Variants in DOCK5 observed in about 807,000 individuals in gnomAD.
DOCK5 encodes dedicator of cytokinesis protein 5.
A neutral mutation model predicts 251.8 loss-of-function variants in DOCK5; 142 were observed. That is an observed-to-expected ratio of 0.56 (90% confidence interval 0.49 to 0.65). The LOEUF (loss-of-function observed/expected upper bound fraction) is 0.65. Among genes scored for constraint, DOCK5 ranks in the 30% least tolerant of loss-of-function variants. DOCK5 has a pLI of 0.00. For synonymous variants in DOCK5, 842 were observed against 835.5 expected, an observed-to-expected ratio of 1.01 and a Z score of -0.13; for missense variants, 2,111 against 2,312.3, an observed-to-expected ratio of 0.91 and a Z score of 1.79.
intron 48 of DOCK5, among the ~76,000 whole-genome samples, chr8:25,407,328 C>T (rs1801539739): frequency 6.6e-6 from 1 of 152,012 alleles, no homozygotes; most frequent in African/African-American, 2.4e-5. Context: ...GATTTGAACA[C>T]AGGCTATCTG....
At position 25,193,074 on chromosome 8, in the gene DOCK5, A is replaced by G. The variant is rs142393297; in HGVS notation, c.43+8123A>G. Among the ~76,000 whole-genome samples, 263 of 152,318 alleles carry G rather than the reference A, an allele frequency of 1.7e-3. 1 individual carries two copies. Among genetic ancestry groups the G allele is most frequent in the African/African-American group, 5.9e-3 (247 of 41,558 alleles). ...GATACCCAATGGAATCTTTCTCTTC[A>G]GTATAGTGTCCATTCTCATTATTCA... On this transcript the variant is annotated intron_variant, in intron 1 of 51. Transcript: ENST00000276440.
intron 29 of DOCK5, among the ~76,000 whole-genome samples, chr8:25,363,746 G>T (rs963865573): frequency 3.0e-4 from 46 of 152,148 alleles, no homozygotes; most frequent in African/African-American, 1.1e-3. Flanking sequence ...CAACCAAACT[G>T]GCCTCTGCCC....
At chr8:25,341,580 C>T (rs921474823) in intron 23 of DOCK5, among the ~76,000 whole-genome samples, 159 bp from the exon 24 acceptor site, 9 of 152,146 alleles carry the variant, frequency 5.9e-5, no homozygotes, top group African/African-American at 1.9e-4. Flanking sequence ...TTTAGGAGAT[C>T]GTGTAGAGCA....
At chr8:25,207,930 A>T (rs2095517085) in intron 1 of DOCK5, among the ~76,000 whole-genome samples, 1 of 152,344 alleles carries the variant, frequency 6.6e-6, no homozygotes, top group Admixed American at 6.5e-5. Flanking sequence ...TCTGGAAAGG[A>T]TTCCCCATTC....
intron 5 of DOCK5, among the ~76,000 whole-genome samples, chr8:25,281,080 C>G (rs1315924539): frequency 6.7e-6 from 1 of 150,208 alleles, no homozygotes; most frequent in Non-Finnish European, 1.5e-5. Flanking sequence ...CCTATGTCTT[C>G]TACACATCCA....
chr8:25,204,169 A>T (rs1801943934), intron 1 of DOCK5, among the ~76,000 whole-genome samples: 1 of 152,226 alleles, frequency 6.6e-6, no homozygotes. Context: ...TGGATGAATT[A>T]TAGACTTCAT....
At chr8:25,365,472 A>G (rs1015076280) in intron 30 of DOCK5, among the ~76,000 whole-genome samples, 3 of 152,264 alleles carry the variant, frequency 2.0e-5, no homozygotes, top group African/African-American at 7.2e-5. Context: ...AAGCAATAAA[A>G]GCCAGATTTA....
intron 5 of DOCK5, among the ~76,000 whole-genome samples, chr8:25,283,009 A>G (rs2117136888): frequency 6.6e-6 from 1 of 152,286 alleles, no homozygotes; most frequent in Non-Finnish European, 1.5e-5. Context: ...AATGCAGTCC[A>G]CTAACCAGAT....
intron 2 of DOCK5, among the ~76,000 whole-genome samples, chr8:25,250,555 C>T (rs1019473609): frequency 6.6e-6 from 1 of 152,142 alleles, no homozygotes. Flanking sequence ...TGGAGATGCC[C>T]GGCCGTGAGG....
chr8:25,395,351 C>G (rs1230332760), intron 44 of DOCK5, among the ~76,000 whole-genome samples, 192 bp from the exon 45 acceptor site: 1 of 152,184 alleles, frequency 6.6e-6, no homozygotes, highest in Non-Finnish European at 1.5e-5. Flanking sequence ...GGCCTGTTTC[C>G]TAATAGGCCA....
intron 13 of DOCK5, among the ~76,000 whole-genome samples, chr8:25,313,663 C>T (rs1805159125): frequency 6.6e-6 from 1 of 152,184 alleles, no homozygotes; most frequent in Non-Finnish European, 1.5e-5. Flanking sequence ...AAATTCAACA[C>T]CAAGGTGACA....
At chr8:25,278,702 C>T in intron 5 of DOCK5, 37 bp downstream of exon 5, 10 of 1,594,094 alleles carry the variant, frequency 6.3e-6, no homozygotes, top group Non-Finnish European at 8.6e-6. Context: ...CCCAGGGTCA[C>T]TCTGGGTCCT....
In DOCK5 at chr8:25,324,893, G is replaced by A. The variant is rs546264416; in HGVS notation, c.1720-471G>A. On this transcript the variant is annotated intron_variant, in intron 17 of 51. Transcript: ENST00000276440. ...TTCCCACCTATGAGTGAGAACATGC[G>A]GTGTTTGGTTTTTTGTCCTTGTGAT... Among the ~76,000 whole-genome samples, 12 of 148,840 alleles carry A rather than the reference G, an allele frequency of 8.1e-5. No individual in the cohort carries two copies. In the South Asian group the frequency reaches 8.5e-4, roughly 11 times the overall value.
chr8:25,273,253 G>A (rs1478074849), intron 3 of DOCK5, among the ~76,000 whole-genome samples: 1 of 152,118 alleles, frequency 6.6e-6, no homozygotes, highest in Non-Finnish European at 1.5e-5. Context: ...TTTACTCAGT[G>A]CCTGCTGCAT....
chr8:25,369,599 G>C lies in DOCK5; in HGVS notation c.3482G>C (p.Gly1161Ala), dbSNP rs1281465243. The C allele has an allele frequency of 1.2e-6, 2 of 1,611,994 alleles. No homozygotes were observed. The highest frequency in any genetic ancestry group is 1.3e-5 in the African/African-American group (1 of 75,010). Residue 1161 changes from glycine to alanine, a missense_variant, in exon 34 of 52, where the codon GGG becomes GCG. Around this residue, in one of 3 missense-constraint regions of DOCK5, gnomAD observed 1,717 missense variants for 1,892.4 expected, o/e 0.91. Transcript: ENST00000276440. ...ACAAAGCTGGACCAGGAGGTAGAAG[G>C]GGGCAGAGGAGACGAACAATACAAG... ...LITKLDQEVEGGRGDEQYKVL... is the reference protein window; with the variant it reads ...LITKLDQEVEAGRGDEQYKVL...
At chr8:25,239,319 ATGTGTGTGTGTGTGTGTGTGTATG>A (rs1435411600) in intron 1 of DOCK5, among the ~76,000 whole-genome samples, 48 of 131,056 alleles carry the variant, frequency 3.7e-4, no homozygotes, top group African/African-American at 1.4e-3. Flanking sequence ...GTGCGTGTAT[ATGTGTGTGTGTGTGTGTGTGTATG>A]TGTGTGTGTG....
chr8:25,291,494 C>A (rs938691867), intron 5 of DOCK5, among the ~76,000 whole-genome samples: 3 of 150,330 alleles, frequency 2.0e-5, no homozygotes, highest in Non-Finnish European at 3.0e-5. Context: ...ACCAGCCTGG[C>A]CAACGTGATG....
chr8:25,254,137 A>C (rs1229487289), intron 2 of DOCK5, among the ~76,000 whole-genome samples: 1 of 152,216 alleles, frequency 6.6e-6, no homozygotes, highest in African/African-American at 2.4e-5. Context: ...ACAATAGAGA[A>C]AAGATATTCT....
chr8:25,343,849 A>G (rs952402828), intron 25 of DOCK5, among the ~76,000 whole-genome samples: 2 of 152,236 alleles, frequency 1.3e-5, no homozygotes, highest in Admixed American at 6.5e-5. Context: ...TCTTTCGCCC[A>G]GGCTGGAATG....
Sources: allele counts gnomAD v4.1 joint callset (sites outside exome capture counted in the v4.1 genomes callset), GRCh38; gene constraint gnomAD v4.1.1; regional missense constraint gnomAD v4.1.1; transcripts MANE v1.5; gene names NCBI Gene and HGNC (gene_info 2026-07-23, HGNC 2026-07-21).